BTNL2: variants seen among roughly 807,000 people sequenced by gnomAD.
BTNL2 encodes butyrophilin like 2, also known as butyrophilin-like protein 2.
Under a neutral mutation model 46.8 loss-of-function variants are expected in BTNL2, and 46 were observed. The observed-to-expected ratio is 0.98, with a 90% CI of 0.78 to 1.26. The LOEUF is 1.26. Among genes scored for constraint, BTNL2 ranks in the 50% most tolerant of loss-of-function variants. The pLI, the probability that BTNL2 is intolerant of heterozygous loss-of-function variation, is 0.00. For missense variants in BTNL2, 461 were observed against 592.6 expected, an observed-to-expected ratio of 0.78 and a Z score of 2.31; for synonymous variants, 226 against 229.1, an observed-to-expected ratio of 0.99 and a Z score of 0.12.
In BTNL2 at chr6:32,396,539, T is replaced by C. The variant is rs187751707; in HGVS notation, c.731-153A>G. ...ATCCTTAGGTGAGGTGGGGGTTTCA[T>C]GGACTCAGAATAGAGGTTGCTCTTC... On this transcript the variant is annotated intron_variant, in intron 4 of 7. Transcript: ENST00000454136. The surrounding 1 kb of genome is among the most constrained non-coding windows in gnomAD (Gnocchi z 4.4). The C allele has an allele frequency of 6.5e-5, 47 of 723,778 alleles. No individual in the cohort carries two copies. The African/African-American group carries it at 7.2e-4, about 11-fold the overall frequency. The allele number at this position is 723,778 out of a possible 1,614,324, so 44.8% of individuals were successfully genotyped here. A position where few individuals can be genotyped will look rare whatever the true frequency, so the allele number is the denominator to read the frequency against.
At position 32,398,651 on chromosome 6, in the gene BTNL2, T is replaced by A. The variant is rs190156141; in HGVS notation, c.731-2265A>T. Among the ~76,000 whole-genome samples, 809 of 152,028 alleles carry A rather than the reference T, an allele frequency of 5.3e-3. 9 individuals carry two copies. Among genetic ancestry groups the A allele is most frequent in the African/African-American group, 0.018 (764 of 41,568 alleles). On this transcript the variant is annotated intron_variant, in intron 4 of 7. Transcript: ENST00000454136. ...TTTTATTCCCTGTCCGTGTGTGACC[T>A]GTGCACATATTAGATCTTAAACTGG...
chr6:32,405,024 G>C lies in BTNL2; in HGVS notation c.342C>G (p.Ile114Met). The C allele has an allele frequency of 1.2e-6, 2 of 1,613,024 alleles. No individual in the cohort carries two copies. The highest frequency in any genetic ancestry group is 1.7e-6 in the Non-Finnish European group (2 of 1,180,036). ...KGNVALKIHN[I>M]QPSDNGQYWC... is the part of the protein sequence containing the mutation. ...AGTATTGTCCATTGTCGGAGGGCTG[G>C]ATGTTGTGTATCTTCAGTGCCACAT... is the stretch of plus-strand genomic sequence containing the variant. Residue 114 changes from isoleucine (I) to methionine (M), a missense_variant, in exon 2 of 8, where the codon ATC becomes ATG. Coordinates refer to ENST00000454136, the MANE Select transcript of BTNL2 (RefSeq NM_001304561.2).
chr6:32,401,111 G>C (rs1275632694), intron 4 of BTNL2, among the ~76,000 whole-genome samples: 1 of 145,944 alleles, frequency 6.9e-6, no homozygotes, highest in Non-Finnish European at 1.5e-5. Flanking sequence ...GGGAGGCTGA[G>C]GCAGGAGAAT....
In BTNL2 at chr6:32,405,155, T is replaced by A. The variant is rs1777045584; in HGVS notation, c.211A>T (p.Ser71Cys). The A allele has an allele frequency of 3.1e-6, 5 of 1,613,084 alleles. No individual in the cohort carries two copies. Among genetic ancestry groups the A allele is most frequent in the Non-Finnish European group, 4.2e-6 (5 of 1,180,016 alleles). Residue 71 changes from serine to cysteine, a missense_variant, in exon 2 of 8, where the codon AGC becomes TGC. By Grantham distance (112) the Ser-to-Cys change is moderately radical. Coordinates refer to ENST00000454136, the MANE Select transcript of BTNL2 (RefSeq NM_001304561.2). ...VEVRWYRSEP[S>C]TPVFVHRDGV... ...TCCCTGTGCACAAACACAGGTGTGC[T>A]GGGCTCTGAGCGGTACCACCTCACC...
chr6:32,406,121 A>G (rs1175177416), intron 1 of BTNL2: 2 of 152,344 alleles, frequency 1.3e-5, no homozygotes, highest in Non-Finnish European at 2.9e-5. Flanking sequence ...GTGCAGATCC[A>G]ATCCTGCTAG....
rs1311931223 is a variant in BTNL2 at position 32,395,141 on chromosome 6, AG to A, written c.1079-117del. On this transcript the variant is annotated intron_variant, in intron 5 of 7. Transcript: ENST00000454136. Reference sequence around the variant, plus strand: ...GGCTTGGGGAAGGGAGAAAAGCTTAAGGGGGATTGCACTCCACTTAGGGATG... The same window carrying A: ...GGCTTGGGGAAGGGAGAAAAGCTTAAGGGGATTGCACTCCACTTAGGGATG... 14 of 1,063,826 alleles carry A rather than the reference AG, an allele frequency of 1.3e-5. No homozygotes were observed. The African/African-American group carries it at 2.2e-4, about 17-fold the overall frequency. 65.9% of individuals were successfully genotyped at this position (1,063,826 alleles called of 1,614,324 possible).
At position 32,394,776 on chromosome 6, in the gene BTNL2, C is replaced by G. The variant is rs372215089; in HGVS notation, c.1328G>C (p.Gly443Ala). Residue 443 changes from glycine to alanine, a missense_variant, in exon 6 of 8, where the codon GGC (glycine) becomes GCC (alanine). Physicochemically the swap from Gly to Ala is moderately conservative, Grantham distance 60. Transcript: ENST00000454136. This position sits in a 1 kb window ranked among gnomAD's most constrained non-coding sequence, Gnocchi z 4.6. Reference sequence around the variant, plus strand: ...AGAAAAAGTTGCGATTTTCTCCTCGCCCAAAAAGGGGATGCTGATGGAACA... The same window carrying G: ...AGAAAAAGTTGCGATTTTCTCCTCGGCCAAAAAGGGGATGCTGATGGAACA... Reference protein sequence around the residue: ...VTCSISIPFLGEEKIATFSLS... With the variant: ...VTCSISIPFLAEEKIATFSLS... 1.6e-5 allele frequency: 26 copies of G among 1,613,438 alleles called. No homozygotes were observed. Among genetic ancestry groups the G allele is most frequent in the Non-Finnish European group, 2.2e-5 (26 of 1,179,534 alleles).
At chr6:32,401,539 A>G (rs118085989) in intron 4 of BTNL2, among the ~76,000 whole-genome samples, 2,654 of 152,220 alleles carry the variant, frequency 0.017, 77 homozygotes, top group East Asian at 0.11. Flanking sequence ...CATGCTTCCT[A>G]TAGGTGTCCA....
chr6:32,405,272 T>A lies in BTNL2; in HGVS notation c.94A>T (p.Ile32Phe). 1 of 1,613,008 alleles carries A rather than the reference T, an allele frequency of 6.2e-7. No individual in the cohort carries two copies. The highest frequency in any genetic ancestry group is 8.5e-7 in the Non-Finnish European group (1 of 1,180,022). ...TMKQSEDFRVIGPAHPILAGV... is the reference protein window; with the variant it reads ...TMKQSEDFRVFGPAHPILAGV... ...GCCAGGATAGGATGAGCAGGGCCAA[T>A]GACTCTAAAGTCTTCTATAAAATAA... The change falls in exon 2 of 8, where the codon ATT (isoleucine) becomes TTT (phenylalanine). Residue 32 changes from isoleucine to phenylalanine, a missense_variant. Transcript: ENST00000454136.
At position 32,407,079 on chromosome 6, in the gene BTNL2, G is replaced by A. The variant is rs763919115; in HGVS notation, c.45C>T (p.Ser15=). The A allele has an allele frequency of 5.0e-6, 8 of 1,612,872 alleles. No homozygotes were observed. In the Admixed American group the frequency reaches 1.0e-4, roughly 20 times the overall value. Residue 15 remains serine, a synonymous_variant, in exon 1 of 8, where the codon TCC becomes TCT. Transcript: ENST00000454136. The part of the protein sequence containing the change: ...PGYNLSGAVA[S]FLFILLTMKQ... ...TCATTGTCAGCAGGATGAATAGGAA[G>A]GAGGCGACTGCACCAGACAGATTGT...
chr6:32,405,185 C>G lies in BTNL2; in HGVS notation c.181G>C (p.Val61Leu). 6.2e-7 allele frequency: 1 copy of G among 1,613,084 alleles called. No individual in the cohort carries two copies. Among genetic ancestry groups the G allele is most frequent in the Non-Finnish European group, 8.5e-7 (1 of 1,180,042 alleles). ...TCTGAGCGGTACCACCTCACCTCCA[C>G]GTGCATTGTGGTCCTCTTGGGGAGT... ...QLLPKRTTMH[V>L]EVRWYRSEPS... The change falls in exon 2 of 8, where the codon GTG (valine) becomes CTG (leucine). Residue 61 changes from valine to leucine, a missense_variant. Transcript: ENST00000454136.
chr6:32,402,130 A>T (rs1776824110), intron 3 of BTNL2, among the ~76,000 whole-genome samples: 1 of 152,180 alleles, frequency 6.6e-6, no homozygotes, highest in Non-Finnish European at 1.5e-5. Flanking sequence ...GTACAAAATT[A>T]TATGGACATA....
intron 2 of BTNL2, among the ~76,000 whole-genome samples, chr6:32,404,468 T>C (rs1279959333): frequency 6.6e-6 from 1 of 152,230 alleles, no homozygotes; most frequent in Non-Finnish European, 1.5e-5. Flanking sequence ...ACGACATTCT[T>C]AGCCTTTTCA....
In BTNL2 at chr6:32,405,052, C is replaced by T; in HGVS notation, c.314G>A (p.Gly105Glu). 1 of 1,613,088 alleles carries T rather than the reference C, an allele frequency of 6.2e-7. No individual in the cohort carries two copies. Among genetic ancestry groups the T allele is most frequent in the Non-Finnish European group, 8.5e-7 (1 of 1,180,044 alleles). Residue 105 changes from glycine (G) to glutamate (E), a missense_variant, in exon 2 of 8, where the codon GGA becomes GAA. By Grantham distance (98) the Gly-to-Glu change is moderately conservative. Transcript: ENST00000454136. ...VEWIENGIAK[G>E]NVALKIHNIQ... ...GTTGTGTATCTTCAGTGCCACATTT[C>T]CCTTTGCAATGCCATTCTCTATCCA...
intron 4 of BTNL2, among the ~76,000 whole-genome samples, chr6:32,401,163 G>T (rs1266696164): frequency 8.2e-6 from 1 of 122,136 alleles, no homozygotes; most frequent in African/African-American, 3.2e-5. Flanking sequence ...AGCCAAGATC[G>T]CGCCACTGCA....
intron 1 of BTNL2, 93 bp downstream of exon 1, chr6:32,406,952 G>T: frequency 8.3e-7 from 1 of 1,204,492 alleles, no homozygotes; most frequent in Non-Finnish European, 1.2e-6. Context: ...CTTGGCCCCA[G>T]ACTTACACTC....
rs768831440 is a variant in BTNL2, at chr6:32,405,228, G to A, written c.138C>T (p.Ala46=). The change falls in exon 2 of 8, where the codon GCC becomes GCT. Residue 46 remains alanine (A), a synonymous_variant. Transcript: ENST00000454136. ...TGGGGAGTAGCTGGCAGGTTAACAG[G>A]GCATCTTCCCCAACCCCGGCCAGGA... is the stretch of plus-strand genomic sequence containing the variant. ...HPILAGVGED[A]LLTCQLLPKR... is the part of the protein sequence containing the mutation. 1.9e-6 allele frequency: 3 copies of A among 1,612,934 alleles called. No individual in the cohort carries two copies. The highest frequency in any genetic ancestry group is 2.5e-6 in the Non-Finnish European group (3 of 1,180,014).
At position 32,399,774 on chromosome 6, in the gene BTNL2, T is replaced by A. The variant is rs117637259; in HGVS notation, c.730+2011A>T. Among the ~76,000 whole-genome samples the A allele has an allele frequency of 0.018, 2,671 of 152,320 alleles. 76 individuals carry two copies. The highest frequency in any genetic ancestry group is 0.11 in the East Asian group (567 of 5,188). ...GTGCCTGGCATACAATTAATATTTT[T>A]AAAAACTATTATTTTTATAAATGAA... On this transcript the variant is annotated intron_variant, in intron 4 of 7. Coordinates refer to ENST00000454136, the MANE Select transcript of BTNL2 (RefSeq NM_001304561.2). The surrounding 1 kb of genome is among the most constrained non-coding windows in gnomAD (Gnocchi z 5.2).
chr6:32,399,975 G>GA lies in BTNL2; in HGVS notation c.730+1809dup, dbSNP rs139448011. Among the ~76,000 whole-genome samples the GA allele has an allele frequency of 0.017, 2,652 of 152,180 alleles. 78 individuals carry two copies. Among genetic ancestry groups the GA allele is most frequent in the East Asian group, 0.11 (556 of 5,156 alleles). Reference sequence around the variant, plus strand: ...TCCGTGTTGGTTAATTGTGGCCCCGGAGGTTACCATGACTTAGGAACAACA... The same window carrying GA: ...TCCGTGTTGGTTAATTGTGGCCCCGGAAGGTTACCATGACTTAGGAACAACA... On this transcript the variant is annotated intron_variant, in intron 4 of 7. Transcript: ENST00000454136. This position sits in a 1 kb window ranked among gnomAD's most constrained non-coding sequence, Gnocchi z 5.2.
Sources: allele counts gnomAD v4.1 joint callset (sites outside exome capture counted in the v4.1 genomes callset), GRCh38; gene constraint gnomAD v4.1.1; non-coding constraint Gnocchi (gnomAD v3.1); transcripts MANE v1.5; gene names NCBI Gene and HGNC (gene_info 2026-07-23, HGNC 2026-07-21).